Variants in NPAS3 observed in about 807,000 individuals in gnomAD.
The protein encoded by NPAS3 is neuronal PAS domain-containing protein 3.
A neutral mutation model predicts 73.1 loss-of-function variants in NPAS3; 14 were observed. The observed-to-expected ratio is 0.19, with a 90% confidence interval of 0.13 to 0.30. The LOEUF is 0.30. Among genes scored for constraint, NPAS3 ranks in the 10% least tolerant of loss-of-function variants. The pLI, the probability that NPAS3 is intolerant of heterozygous loss-of-function variation, is 1.00. For missense variants in NPAS3, 1,096 were observed against 1,250.0 expected, an observed-to-expected ratio of 0.88 and a Z score of 1.86; for synonymous variants, 620 against 541.5, an observed-to-expected ratio of 1.14 and a Z score of -2.01.
At chr14:33,397,401 C>T (rs141090021) in intron 4 of NPAS3, among the ~76,000 whole-genome samples, 112 of 152,130 alleles carry the variant, frequency 7.4e-4, no homozygotes, top group African/African-American at 2.5e-3. Context: ...AGAGAATTTA[C>T]GCCATTTGCC....
At chr14:33,278,241 A>G (rs1403629123) in intron 3 of NPAS3, among the ~76,000 whole-genome samples, 1 of 152,148 alleles carries the variant, frequency 6.6e-6, no homozygotes, top group African/African-American at 2.4e-5. Flanking sequence ...TCATGTCAAT[A>G]CAATGGGATG....
chr14:32,990,583 G>A (rs1309055957), intron 1 of NPAS3, among the ~76,000 whole-genome samples: 1 of 152,102 alleles, frequency 6.6e-6, no homozygotes, highest in Non-Finnish European at 1.5e-5. Flanking sequence ...GGAATAACTG[G>A]AAGAGAAATG....
chr14:33,068,923 G>A (rs2041377830), intron 2 of NPAS3, among the ~76,000 whole-genome samples: 1 of 152,092 alleles, frequency 6.6e-6, no homozygotes, highest in Non-Finnish European at 1.5e-5. Flanking sequence ...ACAGGTCAGG[G>A]AGGCAACAGC....
At chr14:33,482,155 G>T (rs529926988) in intron 4 of NPAS3, among the ~76,000 whole-genome samples, 65 of 151,932 alleles carry the variant, frequency 4.3e-4, no homozygotes, top group African/African-American at 1.5e-3. Flanking sequence ...ATTTTCAAAG[G>T]CTGGAAGTAA....
In NPAS3 at chr14:33,534,866, GATCACTC is replaced by G. The variant is rs556504960; in HGVS notation, c.469-25253_469-25247del. On this transcript the variant is annotated intron_variant, in intron 4 of 11. Transcript: ENST00000356141. ...AGTGGAATGGGGGAATCCCTGCTAT[GATCACTC>G]ACAGTGGGAATGGACTGCCTCGGCT... is the stretch of plus-strand genomic sequence containing the variant. Among the ~76,000 whole-genome samples, 310 of 152,204 alleles carry G rather than the reference GATCACTC, an allele frequency of 2.0e-3. 1 individual carries two copies. The highest frequency in any genetic ancestry group is 6.3e-3 in the African/African-American group (260 of 41,522).
chr14:33,216,945 AC>A (rs2047245114), intron 3 of NPAS3, among the ~76,000 whole-genome samples: 2 of 152,288 alleles, frequency 1.3e-5, no homozygotes, highest in Admixed American at 1.3e-4. Flanking sequence ...ATTCAATAAC[AC>A]ACCAATTCAT....
chr14:33,292,655 A>G (rs1304061221), intron 3 of NPAS3, among the ~76,000 whole-genome samples: 1 of 152,110 alleles, frequency 6.6e-6, no homozygotes, highest in Non-Finnish European at 1.5e-5. Flanking sequence ...TCCTGCAAAG[A>G]CGACTTACCC....
intron 3 of NPAS3, among the ~76,000 whole-genome samples, chr14:33,345,339 G>T (rs1355238581): frequency 1.3e-5 from 2 of 152,156 alleles, no homozygotes; most frequent in Admixed American, 6.5e-5. Context: ...ACATCAAATT[G>T]CCATTTGTGC....
At chr14:32,966,375 G>C (rs10138109) in intron 1 of NPAS3, among the ~76,000 whole-genome samples, 2,495 of 152,242 alleles carry the variant, frequency 0.016, 55 homozygotes, top group African/African-American at 0.05. Flanking sequence ...AAAGAGAATA[G>C]AGAAGCTAGA....
At chr14:33,006,758 G>A (rs1228938479) in intron 1 of NPAS3, among the ~76,000 whole-genome samples, 2 of 152,054 alleles carry the variant, frequency 1.3e-5, no homozygotes, top group South Asian at 2.1e-4. Context: ...CTTCCATAAC[G>A]TTTCATAATG....
chr14:33,715,214 A>G (rs1020585844), intron 6 of NPAS3, among the ~76,000 whole-genome samples: 1 of 152,172 alleles, frequency 6.6e-6, no homozygotes, highest in Non-Finnish European at 1.5e-5. Flanking sequence ...TTGTGTTTGT[A>G]AGCTGGCTCT....
At chr14:33,335,030 T>TTGTGTGTGTGTGTGTGTGTGTG (rs777068522) in intron 3 of NPAS3, among the ~76,000 whole-genome samples, 10 of 144,144 alleles carry the variant, frequency 6.9e-5, no homozygotes, top group Admixed American at 1.4e-4. Flanking sequence ...TGGTATTCCA[T>TTGTGTGTGTGTGTGTGTGTGTG]TGTGTGTGTG....
At chr14:33,099,696 A>G (rs1300327703) in intron 2 of NPAS3, among the ~76,000 whole-genome samples, 1 of 152,212 alleles carries the variant, frequency 6.6e-6, no homozygotes, top group Non-Finnish European at 1.5e-5. Flanking sequence ...TCCAAGGGAT[A>G]GTTGGGAGTC....
At chr14:33,720,784 T>C (rs2061086647) in intron 6 of NPAS3, among the ~76,000 whole-genome samples, 1 of 152,164 alleles carries the variant, frequency 6.6e-6, no homozygotes, top group Non-Finnish European at 1.5e-5. Flanking sequence ...AAATAGTTCA[T>C]AATAAATCTT....
chr14:33,533,621 A>G (rs749388951), intron 4 of NPAS3, among the ~76,000 whole-genome samples: 2 of 152,154 alleles, frequency 1.3e-5, no homozygotes, highest in Non-Finnish European at 2.9e-5. Context: ...CACTACACTA[A>G]ATAAATCTTA....
At chr14:33,050,039 G>A (rs2040648630) in intron 1 of NPAS3, among the ~76,000 whole-genome samples, 1 of 152,144 alleles carries the variant, frequency 6.6e-6, no homozygotes, top group South Asian at 2.1e-4. Flanking sequence ...GGTTAGCGCT[G>A]AGGGAGTTCT....
chr14:33,304,534 A>G (rs1298983746), intron 3 of NPAS3, among the ~76,000 whole-genome samples: 2 of 151,644 alleles, frequency 1.3e-5, no homozygotes, highest in Non-Finnish European at 2.9e-5. Flanking sequence ...ATTTTTCCCC[A>G]TTATTTTCTA....
intron 9 of NPAS3, among the ~76,000 whole-genome samples, chr14:33,787,892 G>T (rs2063227131): frequency 1.3e-5 from 2 of 152,040 alleles, no homozygotes; most frequent in South Asian, 4.1e-4. Context: ...TCTATGTCAG[G>T]TTCATTCCCC....
intron 3 of NPAS3, among the ~76,000 whole-genome samples, chr14:33,265,029 G>A (rs891683260): frequency 6.6e-6 from 1 of 152,192 alleles, no homozygotes; most frequent in African/African-American, 2.4e-5. Context: ...GTGAGTGAGT[G>A]CTGTTTAAGT....
Sources: allele counts gnomAD v4.1 joint callset (sites outside exome capture counted in the v4.1 genomes callset), GRCh38; gene constraint gnomAD v4.1.1; transcripts MANE v1.5; gene names NCBI Gene and HGNC (gene_info 2026-07-23, HGNC 2026-07-21).